MAST4: variants seen among roughly 807,000 people sequenced by gnomAD.
The protein encoded by MAST4 is microtubule associated serine/threonine kinase family member 4.
In MAST4, 89 loss-of-function variants were observed where a neutral mutation model predicts 162.7. That is an observed-to-expected ratio of 0.55 (90% confidence interval 0.46 to 0.65). The LOEUF (loss-of-function observed/expected upper bound fraction) is 0.65, where lower values mean the gene tolerates loss of function less well. Ranked by LOEUF, MAST4 falls within the 30% of genes least tolerant of loss-of-function variation. The pLI, the probability that MAST4 is intolerant of heterozygous loss-of-function variation, is 0.00. For synonymous variants in MAST4, 1,479 were observed against 1,361.1 expected (o/e 1.09, Z -1.91); for missense variants, 3,153 against 3,374.0 (o/e 0.93, Z 1.62).
Position 66,767,169 on chromosome 5 carries a change from ACGTG to A in MAST4, c.517+7308_517+7311del, listed in dbSNP as rs888439186. On this transcript the variant is annotated intron_variant, in intron 2 of 28. Coordinates refer to ENST00000403625, the MANE Select transcript of MAST4 (RefSeq NM_001164664.2). ...ATGGTCACAGATGAATGTAAAGTGC[ACGTG>A]TGTGTGTGTGTGTGTGTGTGTGTGT... 3.4e-4 allele frequency among the ~76,000 whole-genome samples: 27 copies of A among 79,126 alleles called. No individual in the cohort carries two copies. The East Asian group carries it at 0.012, about 34-fold the overall frequency. 51.9% of individuals were successfully genotyped at this position (79,126 alleles called of 152,430 possible). A position where few individuals can be genotyped will look rare whatever the true frequency, so the allele number is the denominator to read the frequency against.
intron 4 of MAST4, among the ~76,000 whole-genome samples, chr5:66,945,500 G>A (rs1743914751): frequency 6.6e-6 from 1 of 152,080 alleles, no homozygotes. Context: ...CCTAATCCCT[G>A]TGCCCCATGA....
chr5:67,102,467 T>G (rs760279081), intron 8 of MAST4, 69 bp from the exon 9 acceptor site: 2 of 1,394,772 alleles, frequency 1.4e-6, no homozygotes, highest in Non-Finnish European at 2.0e-6. Flanking sequence ...ACTGACTGTT[T>G]ATAAATAAAA....
rs149044913 is a variant in MAST4 at position 66,896,719 on chromosome 5, A to G, written c.643-3232A>G. Reference sequence around the variant, plus strand: ...CTGTGGCAGTTGCTTGTACATGTAAAACATTACAGTTTTCTCCCCTGTCTT... The same window carrying G: ...CTGTGGCAGTTGCTTGTACATGTAAGACATTACAGTTTTCTCCCCTGTCTT... On this transcript the variant is annotated intron_variant, in intron 3 of 28. Transcript: ENST00000403625. Among the ~76,000 whole-genome samples the G allele has an allele frequency of 3.9e-5, 6 of 152,336 alleles. No individual in the cohort carries two copies. The East Asian group carries it at 1.2e-3, about 29-fold the overall frequency.
intron 1 of MAST4, among the ~76,000 whole-genome samples, chr5:66,609,392 C>CTT (rs373893029): frequency 0.17 from 22,010 of 128,584 alleles, 2,236 homozygotes; most frequent in Admixed American, 0.2. Context: ...CAATGCACTA[C>CTT]TTTTTTTTTT....
intron 3 of MAST4, among the ~76,000 whole-genome samples, chr5:66,832,709 A>G (rs1447200352): frequency 6.6e-6 from 1 of 152,204 alleles, no homozygotes; most frequent in African/African-American, 2.4e-5. Flanking sequence ...TAGTAGGATC[A>G]TTACATGGGA....
chr5:67,026,131 G>A (rs1336091592), intron 4 of MAST4, among the ~76,000 whole-genome samples: 1 of 152,210 alleles, frequency 6.6e-6, no homozygotes, highest in African/African-American at 2.4e-5. Flanking sequence ...GTTTGTAAGT[G>A]TTTTAATGAT....
intron 3 of MAST4, among the ~76,000 whole-genome samples, chr5:66,825,586 C>T (rs1471833803): frequency 2.0e-5 from 3 of 152,078 alleles, no homozygotes; most frequent in Non-Finnish European, 2.9e-5. Context: ...TTTTCTTTCC[C>T]CCTTGTTTTT....
Position 67,144,674 on chromosome 5 carries a change from C to T in MAST4, c.2736C>T (p.Phe912=). The T allele has an allele frequency of 6.2e-7, 1 of 1,613,682 alleles. No individual in the cohort carries two copies. Among genetic ancestry groups the T allele is most frequent in the East Asian group, 2.2e-5 (1 of 44,874 alleles). The stretch of plus-strand genomic sequence containing the variant: ...ACCAATTATTTGCCTTCCAGGTTTT[C>T]AGCAGTATAGATCGAATCACTCAGA... ...SSCSHRFSKV[F]SSIDRITQNS... Residue 912 remains phenylalanine, a synonymous_variant, in exon 22 of 29, where the codon TTC becomes TTT. Coordinates refer to ENST00000403625, the MANE Select transcript of MAST4 (RefSeq NM_001164664.2).
chr5:66,759,589 G>A, intron 1 of MAST4, 120 bp from the exon 2 acceptor site: 1 of 1,274,654 alleles, frequency 7.8e-7, no homozygotes, highest in African/African-American at 1.5e-5. Context: ...ATTGAACACA[G>A]TGTTGGGAGA....
intron 1 of MAST4, among the ~76,000 whole-genome samples, chr5:66,635,694 CT>C (rs201432419): frequency 4.3e-4 from 62 of 145,410 alleles, no homozygotes; most frequent in Admixed American, 5.5e-4. Flanking sequence ...TTTTCTTTTT[CT>C]TTTTTTTTTT....
At chr5:66,841,251 C>T (rs1399544676) in intron 3 of MAST4, among the ~76,000 whole-genome samples, 1 of 152,140 alleles carries the variant, frequency 6.6e-6, no homozygotes, top group Non-Finnish European at 1.5e-5. Context: ...CCTTCCCTTG[C>T]ATCATATGGC....
chr5:66,680,599 C>G (rs1268618729), intron 1 of MAST4, among the ~76,000 whole-genome samples: 1 of 152,180 alleles, frequency 6.6e-6, no homozygotes, highest in Admixed American at 6.5e-5. Flanking sequence ...GCTTTATTTA[C>G]TGAACAAACA....
chr5:67,138,125 GT>G (rs887560969), intron 19 of MAST4, among the ~76,000 whole-genome samples: 1 of 152,152 alleles, frequency 6.6e-6, no homozygotes, highest in Non-Finnish European at 1.5e-5. Flanking sequence ...CCCTGGACAG[GT>G]TACTTCTTTT....
At chr5:66,759,077 T>A (rs1021817455) in intron 1 of MAST4, among the ~76,000 whole-genome samples, 1 of 152,228 alleles carries the variant, frequency 6.6e-6, no homozygotes, top group African/African-American at 2.4e-5. Flanking sequence ...GACTTTGGTT[T>A]CTCTGATTCT....
At chr5:66,894,644 AGAT>A (rs1762565220) in intron 3 of MAST4, among the ~76,000 whole-genome samples, 1 of 152,348 alleles carries the variant, frequency 6.6e-6, no homozygotes, top group South Asian at 2.1e-4. Context: ...AATGAAAGAA[AGAT>A]GATGATGGGG....
At position 66,870,771 on chromosome 5, in the gene MAST4, C is replaced by G. The variant is rs76143424; in HGVS notation, c.643-29180C>G. On this transcript the variant is annotated intron_variant, in intron 3 of 28. Transcript: ENST00000403625. ...TCGTTCACTCCCCATCTTCCATTCA[C>G]TGTCAGGAAGGGCAGCCTCCGAAGA... 7.2e-3 allele frequency: 3,398 copies of G among 471,380 alleles called. 88 individuals are homozygous for G. The highest frequency in any genetic ancestry group is 0.06 in the African/African-American group (3,025 of 50,158). The allele number at this position is 471,380 out of a possible 1,614,324, so 29.2% of individuals were successfully genotyped here.
chr5:66,674,545 A>G (rs1365450594), intron 1 of MAST4, among the ~76,000 whole-genome samples: 1 of 152,222 alleles, frequency 6.6e-6, no homozygotes. Flanking sequence ...AACATAAGAC[A>G]AGTGAAAAGA....
chr5:66,726,926 T>A (rs147839325), intron 1 of MAST4, among the ~76,000 whole-genome samples: 1 of 152,012 alleles, frequency 6.6e-6, no homozygotes, highest in African/African-American at 2.4e-5. Flanking sequence ...TTGAAATAGA[T>A]CATTTGGCAG....
chr5:66,808,206 G>A (rs369638038), intron 3 of MAST4, among the ~76,000 whole-genome samples: 3 of 152,130 alleles, frequency 2.0e-5, no homozygotes, highest in African/African-American at 4.8e-5. Flanking sequence ...GCTTTACACC[G>A]CAGCCTGAGG....
Sources: allele counts gnomAD v4.1 joint callset (sites outside exome capture counted in the v4.1 genomes callset), GRCh38; gene constraint gnomAD v4.1.1; transcripts MANE v1.5; gene names NCBI Gene and HGNC (gene_info 2026-07-23, HGNC 2026-07-21).